SGCZ: variants seen among roughly 807,000 people sequenced by gnomAD.
SGCZ encodes the protein zeta-sarcoglycan.
Under a neutral mutation model 41.3 loss-of-function variants are expected in SGCZ, and 40 were observed. That is an observed-to-expected ratio of 0.97 (90% CI 0.75 to 1.26). The LOEUF (loss-of-function observed/expected upper bound fraction) is 1.26, where lower values mean the gene tolerates loss of function less well. Among genes scored for constraint, SGCZ ranks in the 50% most tolerant of loss-of-function variants. The pLI is 0.00. For missense variants in SGCZ, 552 were observed against 369.8 expected (o/e 1.49, Z -4.04); for synonymous variants, 206 against 137.5 (o/e 1.50, Z -3.49).
chr8:14,972,338 T>C (rs1019588391), intron 1 of SGCZ, among the ~76,000 whole-genome samples: 4 of 152,168 alleles, frequency 2.6e-5, no homozygotes, highest in Non-Finnish European at 5.9e-5. Context: ...TTTGGATAGC[T>C]GTTTATTAGT....
At chr8:14,693,757 A>AT (rs1173164258) in intron 1 of SGCZ, among the ~76,000 whole-genome samples, 3 of 151,170 alleles carry the variant, frequency 2.0e-5, no homozygotes, top group Non-Finnish European at 4.4e-5. Context: ...CTCCCAGCTA[A>AT]TTTTTTGTAT....
chr8:14,278,191 A>G (rs1392636271), intron 3 of SGCZ, among the ~76,000 whole-genome samples: 2 of 152,086 alleles, frequency 1.3e-5, no homozygotes. Flanking sequence ...AAAATTGCCT[A>G]CAGTCCCACA....
chr8:14,793,512 C>T (rs953508572), intron 1 of SGCZ, among the ~76,000 whole-genome samples: 2 of 152,174 alleles, frequency 1.3e-5, no homozygotes, highest in Non-Finnish European at 2.9e-5. Flanking sequence ...CAATACATTT[C>T]TGGAAACTCA....
At chr8:15,186,753 C>T (rs949617514) in intron 1 of SGCZ, among the ~76,000 whole-genome samples, 1 of 152,116 alleles carries the variant, frequency 6.6e-6, no homozygotes, top group Non-Finnish European at 1.5e-5. Flanking sequence ...TCAGAAATAA[C>T]AATTATATAA....
chr8:15,190,190 G>C (rs1005854026), intron 1 of SGCZ, among the ~76,000 whole-genome samples: 2 of 151,972 alleles, frequency 1.3e-5, no homozygotes, highest in Admixed American at 6.6e-5. Flanking sequence ...CAAAATCCTT[G>C]GCTCATTTAA....
chr8:15,147,147 G>A (rs1236963007), intron 1 of SGCZ, among the ~76,000 whole-genome samples: 1 of 152,056 alleles, frequency 6.6e-6, no homozygotes, highest in Admixed American at 6.5e-5. Flanking sequence ...TATTAATACT[G>A]CTGGTAGAAC....
rs543069113 is a variant in SGCZ at position 15,206,257 on chromosome 8, CAGA to C, written c.39+31325_39+31327del. On this transcript the variant is annotated intron_variant, in intron 1 of 7. Transcript: ENST00000382080. Reference sequence around the variant, plus strand: ...GCCACGGTAGTCAGGGAAGGCTTTGCAGAAGATGTGAGAATGAGATCCATATTA... The same window carrying C: ...GCCACGGTAGTCAGGGAAGGCTTTGCAGATGTGAGAATGAGATCCATATTA... Among the ~76,000 whole-genome samples, 21 of 152,114 alleles carry C rather than the reference CAGA, an allele frequency of 1.4e-4. 1 individual carries two copies. The South Asian group carries it at 4.2e-3, about 30-fold the overall frequency.
intron 4 of SGCZ, 34 bp from the exon 5 acceptor site, chr8:14,164,736 G>C (rs772747499): frequency 6.2e-7 from 1 of 1,606,122 alleles, no homozygotes; most frequent in Non-Finnish European, 8.5e-7. Flanking sequence ...AAATGAAACT[G>C]GTATGCAGGA....
chr8:15,163,403 T>G (rs1209392140), intron 1 of SGCZ, among the ~76,000 whole-genome samples: 2 of 152,216 alleles, frequency 1.3e-5, no homozygotes, highest in Non-Finnish European at 2.9e-5. Flanking sequence ...TGTTTACCAT[T>G]ACGCTAAGTT....
chr8:14,324,148 A>T lies in SGCZ; in HGVS notation c.291T>A (p.Ser97=). The T allele has an allele frequency of 6.2e-7, 1 of 1,613,168 alleles. No homozygotes were observed. The highest frequency in any genetic ancestry group is 8.5e-7 in the Non-Finnish European group (1 of 1,179,538). The part of the protein sequence containing the change: ...TKKGIRLEGI[S]EFLLPLYVKE... ...TCACATACAATGGAAGTAGAAACTC[A>T]GATATACCTTCAAGTCGGATTCCCT... Residue 97 remains serine (S), a synonymous_variant, in exon 3 of 8, where the codon TCT becomes TCA. Transcript: ENST00000382080.
At chr8:14,347,762 GA>G (rs1802942056) in intron 2 of SGCZ, among the ~76,000 whole-genome samples, 1 of 151,966 alleles carries the variant, frequency 6.6e-6, no homozygotes, top group African/African-American at 2.4e-5. Flanking sequence ...CCATGGGAAA[GA>G]ACATCAATGA....
chr8:14,720,258 G>T (rs1028376211), intron 1 of SGCZ, among the ~76,000 whole-genome samples: 1 of 151,566 alleles, frequency 6.6e-6, no homozygotes, highest in Non-Finnish European at 1.5e-5. Context: ...AAAAATGAAC[G>T]ATGCCCACTG....
intron 3 of SGCZ, among the ~76,000 whole-genome samples, chr8:14,322,934 A>T (rs563723593): frequency 2.0e-5 from 3 of 152,260 alleles, no homozygotes; most frequent in East Asian, 1.9e-4. Context: ...AAGCAAAAGA[A>T]CTAAACTTTT....
At chr8:14,159,683 C>T (rs1256478045) in intron 5 of SGCZ, among the ~76,000 whole-genome samples, 1 of 152,172 alleles carries the variant, frequency 6.6e-6, no homozygotes, top group Non-Finnish European at 1.5e-5. Context: ...AATCACATTT[C>T]TTCATGGGTT....
chr8:14,935,015 GCA>G (rs1800039405), intron 1 of SGCZ, among the ~76,000 whole-genome samples: 1 of 103,264 alleles, frequency 9.7e-6, no homozygotes, highest in East Asian at 2.9e-4. Flanking sequence ...AAGACAAAAT[GCA>G]AAAAAAAAAA....
intron 7 of SGCZ, among the ~76,000 whole-genome samples, chr8:14,100,503 T>G (rs1801981388): frequency 6.7e-6 from 1 of 148,602 alleles, no homozygotes; most frequent in East Asian, 1.9e-4. Context: ...AAAGAAATCC[T>G]GATATTAATA....
At chr8:15,053,669 T>TG (rs1804602124) in intron 1 of SGCZ, among the ~76,000 whole-genome samples, 1 of 152,078 alleles carries the variant, frequency 6.6e-6, no homozygotes, top group African/African-American at 2.4e-5. Flanking sequence ...TTTCTTTATT[T>TG]GGGGGGGTTG....
At chr8:14,365,633 C>G (rs1365492627) in intron 2 of SGCZ, among the ~76,000 whole-genome samples, 1 of 152,048 alleles carries the variant, frequency 6.6e-6, no homozygotes, top group Non-Finnish European at 1.5e-5. Context: ...TCTTCTTAAA[C>G]ATTTGGAATA....
intron 1 of SGCZ, among the ~76,000 whole-genome samples, chr8:14,737,792 T>C (rs1799088921): frequency 1.3e-5 from 2 of 152,108 alleles, no homozygotes; most frequent in South Asian, 2.1e-4. Context: ...CATCTCTTTA[T>C]AGAAACTTTT....
Sources: allele counts gnomAD v4.1 joint callset (sites outside exome capture counted in the v4.1 genomes callset), GRCh38; gene constraint gnomAD v4.1.1; transcripts MANE v1.5; gene names NCBI Gene and HGNC (gene_info 2026-07-23, HGNC 2026-07-21).